Variants in SYNJ1 observed in about 807,000 individuals in gnomAD.
The protein encoded by SYNJ1 is polyphosphatidylinositol phosphatase SYNJ1.
In SYNJ1, 78 loss-of-function variants were observed where a neutral mutation model predicts 168.2. The observed-to-expected ratio is 0.46, with a 90% confidence interval of 0.39 to 0.56. The LOEUF (loss-of-function observed/expected upper bound fraction) is 0.56. Among genes scored for constraint, SYNJ1 ranks in the 20% least tolerant of loss-of-function variants. The pLI is 0.00. For missense variants in SYNJ1, 1,303 were observed against 1,597.6 expected (o/e 0.82, Z 3.14); for synonymous variants, 539 against 548.6 (o/e 0.98, Z 0.24).
At chr21:32,727,702 G>T in intron 1 of SYNJ1, 1 of 802,010 alleles carries the variant, frequency 1.2e-6, no homozygotes, top group Non-Finnish European at 1.8e-6. Flanking sequence ...AGGCGGATTC[G>T]GTTCGTTCCC....
chr21:32,651,085 G>A (rs1290712282), intron 22 of SYNJ1, among the ~76,000 whole-genome samples: 1 of 152,172 alleles, frequency 6.6e-6, no homozygotes, highest in East Asian at 1.9e-4. Flanking sequence ...AAAACTTGCT[G>A]ATAACAGCAA....
At chr21:32,653,093 C>T (rs2040333179) in intron 22 of SYNJ1, among the ~76,000 whole-genome samples, 195 bp downstream of exon 22, 1 of 152,178 alleles carries the variant, frequency 6.6e-6, no homozygotes, top group African/African-American at 2.4e-5. Flanking sequence ...GTTAATATCT[C>T]TGGGGAGGGG....
At position 32,659,816 on chromosome 21, in the gene SYNJ1, G is replaced by A. The variant is rs554233387; in HGVS notation, c.2305-1944C>T. ...TCTGAGGGGTTCTTGTCTGAGGCTCGTCCTGCTACATTTCTTGGTTCCCCG... is the reference window on the plus strand; with the variant it reads ...TCTGAGGGGTTCTTGTCTGAGGCTCATCCTGCTACATTTCTTGGTTCCCCG... On this transcript the variant is annotated intron_variant, in intron 18 of 32. Transcript: ENST00000674351. Among the ~76,000 whole-genome samples, 428 of 152,266 alleles carry A rather than the reference G, an allele frequency of 2.8e-3. 3 individuals are homozygous for A. The highest frequency in any genetic ancestry group is 4.4e-3 in the South Asian group (21 of 4,826).
At chr21:32,704,156 C>A (rs1037102762) in intron 2 of SYNJ1, among the ~76,000 whole-genome samples, 3 of 152,172 alleles carry the variant, frequency 2.0e-5, no homozygotes, top group Non-Finnish European at 4.4e-5. Context: ...AATACATAAA[C>A]GTATGTCTCT....
At chr21:32,726,453 G>A (rs2043459278) in intron 2 of SYNJ1, among the ~76,000 whole-genome samples, 1 of 152,130 alleles carries the variant, frequency 6.6e-6, no homozygotes, top group Non-Finnish European at 1.5e-5. Context: ...GCAAGACACT[G>A]TATGGGTTTA....
intron 15 of SYNJ1, among the ~76,000 whole-genome samples, chr21:32,667,709 C>T (rs546080410): frequency 6.6e-6 from 1 of 152,222 alleles, no homozygotes; most frequent in East Asian, 1.9e-4. Context: ...AGCTGAAACT[C>T]ATTCCTCATC....
At chr21:32,688,899 A>G (rs994439491) in intron 6 of SYNJ1, among the ~76,000 whole-genome samples, 1 of 152,208 alleles carries the variant, frequency 6.6e-6, no homozygotes, top group African/African-American at 2.4e-5. Flanking sequence ...TGAATATTCT[A>G]TTCACACCAA....
At chr21:32,716,741 C>T (rs1177523313) in intron 2 of SYNJ1, among the ~76,000 whole-genome samples, 1 of 152,142 alleles carries the variant, frequency 6.6e-6, no homozygotes, top group Non-Finnish European at 1.5e-5. Flanking sequence ...TCTTCCCTAC[C>T]AACTTCTTTC....
chr21:32,638,797 A>AAACTCGT lies in SYNJ1; in HGVS notation c.3915+104_3915+110dup, dbSNP rs550949462. On this transcript the variant is annotated intron_variant, in intron 31 of 32. Coordinates refer to ENST00000674351, the MANE Select transcript of SYNJ1 (RefSeq NM_203446.3). ...AATAACAAATATAAAAAGAAAATTA[A>AAACTCGT]AACTCGTATTTATTTTTACTTCTTA... 1.3e-5 allele frequency: 14 copies of AAACTCGT among 1,050,490 alleles called. No homozygotes were observed. In the African/African-American group the frequency reaches 2.2e-4, roughly 17 times the overall value. The allele number at this position is 1,050,490 out of a possible 1,614,324, so 65.1% of individuals were successfully genotyped here. A position where few individuals can be genotyped will look rare whatever the true frequency, so the allele number is the denominator to read the frequency against.
intron 4 of SYNJ1, 146 bp downstream of exon 4, chr21:32,699,692 G>A (rs1385302001): frequency 3.2e-6 from 3 of 938,662 alleles, no homozygotes; most frequent in Non-Finnish European, 3.1e-6. Flanking sequence ...GTCATTCTCT[G>A]TAGCTACTTG....
intron 4 of SYNJ1, among the ~76,000 whole-genome samples, chr21:32,696,590 T>C (rs1009701759): frequency 3.3e-5 from 5 of 152,246 alleles, no homozygotes; most frequent in Admixed American, 2.6e-4. Flanking sequence ...TTCTATATTA[T>C]TGAAGCTTGA....
chr21:32,641,556 A>T (rs1255219799), intron 29 of SYNJ1, among the ~76,000 whole-genome samples: 1 of 152,158 alleles, frequency 6.6e-6, no homozygotes, highest in East Asian at 1.9e-4. Context: ...CTTTTTAATG[A>T]AGGATTACTT....
At chr21:32,697,592 G>A (rs2042254752) in intron 4 of SYNJ1, among the ~76,000 whole-genome samples, 1 of 151,908 alleles carries the variant, frequency 6.6e-6, no homozygotes, top group Non-Finnish European at 1.5e-5. Context: ...TTGAGGTCAG[G>A]AGTTGGAGAC....
intron 10 of SYNJ1, 117 bp from the exon 11 acceptor site, chr21:32,681,765 G>A (rs552946458): frequency 3.4e-6 from 3 of 888,242 alleles, no homozygotes; most frequent in Admixed American, 6.5e-5. Flanking sequence ...TTTGGGACTA[G>A]CTTCTGAAAA....
chr21:32,635,564 G>T (rs568932458), intron 31 of SYNJ1, among the ~76,000 whole-genome samples: 2 of 152,238 alleles, frequency 1.3e-5, no homozygotes, highest in South Asian at 2.1e-4. Flanking sequence ...CCAGTCTATG[G>T]TATTTCATAT....
intron 2 of SYNJ1, among the ~76,000 whole-genome samples, chr21:32,713,329 CATGG>C (rs1290423676): frequency 1.4e-5 from 2 of 141,744 alleles, no homozygotes; most frequent in African/African-American, 2.7e-5. Context: ...CCCATGTCAA[CATGG>C]ATGATTTCCC....
In SYNJ1 at chr21:32,687,072, T is replaced by C. The variant is rs1354730627; in HGVS notation, c.854A>G (p.His285Arg). ...FEANAPAFDR[H>R]FRTLKNLYGK... ...ATATAAGTTCTTAAGTGTTCTAAAA[T>C]GCCTATTTAAGAAAGAAAGGAAATA... is the stretch of plus-strand genomic sequence containing the variant. Residue 285 changes from histidine to arginine, a missense_variant and splice_region_variant, in exon 8 of 33, where the codon CAT becomes CGT. This residue lies in a region of SYNJ1 where 920 missense variants were observed against 1,208.8 expected (regional missense o/e 0.76). Transcript: ENST00000674351. 6.8e-7 allele frequency: 1 copy of C among 1,467,354 alleles called. No homozygotes were observed. The highest frequency in any genetic ancestry group is 9.1e-7 in the Non-Finnish European group (1 of 1,097,342). The allele number at this position is 1,467,354 out of a possible 1,614,324, so 90.9% of individuals were successfully genotyped here.
Position 32,706,523 on chromosome 21 carries a change from G to A in SYNJ1, c.125-4476C>T, listed in dbSNP as rs138412198. On this transcript the variant is annotated intron_variant, in intron 2 of 32. Coordinates refer to ENST00000674351, the MANE Select transcript of SYNJ1 (RefSeq NM_203446.3). ...AAAAAAAAAAAAAAGAAGTCCAGAG[G>A]AAAAAAAGTTATTTGTACTATACTT... Among the ~76,000 whole-genome samples, 347 of 150,412 alleles carry A rather than the reference G, an allele frequency of 2.3e-3. 3 individuals carry two copies. Among genetic ancestry groups the A allele is most frequent in the African/African-American group, 8.1e-3 (332 of 41,134 alleles).
chr21:32,656,660 G>A lies in SYNJ1; in HGVS notation c.2795+27C>T, dbSNP rs760241525. ...AGAAATGATTGTTTATGAATCACAA[G>A]CTACTTTTGCATAATAAACATCTTA... On this transcript the variant is annotated intron_variant, in intron 21 of 32. Transcript: ENST00000674351. 5.1e-6 allele frequency: 8 copies of A among 1,567,970 alleles called. No homozygotes were observed. The East Asian group carries it at 1.1e-4, about 22-fold the overall frequency.
Sources: gnomAD v4.1 joint callset for allele counts (sites outside exome capture counted in the v4.1 genomes callset) on GRCh38, gnomAD v4.1.1 for gene constraint, gnomAD v4.1.1 regional missense constraint, MANE v1.5 for transcripts, NCBI Gene and HGNC (gene_info 2026-07-23, HGNC 2026-07-21) for gene names.